UTRN: variants seen among roughly 807,000 people sequenced by gnomAD.
The protein encoded by UTRN is dystrophin-related protein 1.
A neutral mutation model predicts 463.9 loss-of-function variants in UTRN; 283 were observed. The observed-to-expected ratio is 0.61, with a 90% CI of 0.55 to 0.67. The LOEUF (loss-of-function observed/expected upper bound fraction) is 0.67. UTRN is among the 30% of genes least tolerant of loss of function. The pLI, the probability that UTRN is intolerant of heterozygous loss-of-function variation, is 0.00. For synonymous variants in UTRN, 1,442 were observed against 1,431.5 expected, an observed-to-expected ratio of 1.01 and a Z score of -0.17; for missense variants, 3,922 against 4,084.3, an observed-to-expected ratio of 0.96 and a Z score of 1.08.
intron 34 of UTRN, among the ~76,000 whole-genome samples, chr6:144,501,675 T>C (rs1794194616): frequency 6.6e-6 from 1 of 152,194 alleles, no homozygotes; most frequent in Admixed American, 6.5e-5. Flanking sequence ...ATTATTACCA[T>C]TTTCATTATT....
At chr6:144,332,515 G>C (rs749198046) in intron 2 of UTRN, among the ~76,000 whole-genome samples, 1 of 151,956 alleles carries the variant, frequency 6.6e-6, no homozygotes, top group Non-Finnish European at 1.5e-5. Flanking sequence ...AAGACCTTTG[G>C]GTATTACCTC....
intron 65 of UTRN, among the ~76,000 whole-genome samples, chr6:144,815,662 C>T (rs916608669): frequency 6.6e-6 from 1 of 152,226 alleles, no homozygotes; most frequent in Non-Finnish European, 1.5e-5. Flanking sequence ...AGCAAGTCTG[C>T]TCTTCCATCT....
intron 39 of UTRN, among the ~76,000 whole-genome samples, chr6:144,517,379 T>G (rs1286673297): frequency 1.3e-5 from 2 of 151,714 alleles, no homozygotes; most frequent in African/African-American, 4.9e-5. Flanking sequence ...TTTTTTTTTT[T>G]TAAAGATGGG....
chr6:144,646,357 A>G (rs905821675), intron 51 of UTRN, among the ~76,000 whole-genome samples: 1 of 152,152 alleles, frequency 6.6e-6, no homozygotes, highest in Non-Finnish European at 1.5e-5. Context: ...CTTTCTTTGC[A>G]TTTAATTGGA....
At chr6:144,750,015 G>A (rs748537671) in intron 55 of UTRN, among the ~76,000 whole-genome samples, 6 of 152,054 alleles carry the variant, frequency 3.9e-5, no homozygotes, top group Non-Finnish European at 8.8e-5. Context: ...GTCCTCCAAG[G>A]TACCTACCCA....
At chr6:144,674,761 G>A (rs1346482366) in intron 51 of UTRN, among the ~76,000 whole-genome samples, 1 of 152,108 alleles carries the variant, frequency 6.6e-6, no homozygotes. Flanking sequence ...GTTTCACCAT[G>A]TTGCCCAGGC....
chr6:144,455,748 T>C (rs1438683953), intron 19 of UTRN, among the ~76,000 whole-genome samples: 1 of 152,218 alleles, frequency 6.6e-6, no homozygotes, highest in Non-Finnish European at 1.5e-5. Flanking sequence ...TTCTTTGCCT[T>C]GGTGTCTGGA....
chr6:144,515,299 A>G (rs1404855834), intron 37 of UTRN, among the ~76,000 whole-genome samples: 1 of 152,206 alleles, frequency 6.6e-6, no homozygotes, highest in Non-Finnish European at 1.5e-5. Flanking sequence ...AGGAGAGAAA[A>G]CAAGCAATTA....
Position 144,393,963 on chromosome 6 carries a change from T to G in UTRN, c.80-9160T>G, listed in dbSNP as rs564522650. On this transcript the variant is annotated intron_variant, in intron 2 of 74. Coordinates refer to ENST00000367545, the MANE Select transcript of UTRN (RefSeq NM_007124.3). ...GATGCTACCTGGAGACTCTCCTGTCTGGAAGAATGGAAAGATCAGTGCTTT... is the reference window on the plus strand; with the variant it reads ...GATGCTACCTGGAGACTCTCCTGTCGGGAAGAATGGAAAGATCAGTGCTTT... Among the ~76,000 whole-genome samples the G allele has an allele frequency of 5.3e-5, 8 of 152,326 alleles. No homozygotes were observed. In the South Asian group the frequency reaches 1.5e-3, roughly 28 times the overall value.
chr6:144,614,074 C>T (rs780579102), intron 51 of UTRN, among the ~76,000 whole-genome samples: 6 of 151,654 alleles, frequency 4.0e-5, no homozygotes, highest in Admixed American at 2.0e-4. Flanking sequence ...TTTATAGTAA[C>T]GACTCAACAC....
At chr6:144,408,772 A>G (rs748391499) in intron 3 of UTRN, among the ~76,000 whole-genome samples, 40 of 152,246 alleles carry the variant, frequency 2.6e-4, no homozygotes, top group Non-Finnish European at 4.6e-4. Flanking sequence ...TTGGAAGTTA[A>G]TAATCACTAA....
chr6:144,839,124 A>G (rs1032758792), intron 71 of UTRN, 49 bp from the exon 72 acceptor site: 1 of 1,440,882 alleles, frequency 6.9e-7, no homozygotes, highest in Non-Finnish European at 9.8e-7. Flanking sequence ...GTTTTTCCTT[A>G]TGATTATTTG....
chr6:144,778,370 G>A (rs1470848782), intron 60 of UTRN, among the ~76,000 whole-genome samples: 5 of 152,110 alleles, frequency 3.3e-5, no homozygotes, highest in Non-Finnish European at 5.9e-5. Context: ...GCCTTTATGG[G>A]GAGAGGTTCC....
intron 41 of UTRN, among the ~76,000 whole-genome samples, chr6:144,526,105 A>G (rs1420178250): frequency 6.6e-6 from 1 of 152,190 alleles, no homozygotes; most frequent in Non-Finnish European, 1.5e-5. Flanking sequence ...GGCTTATCAC[A>G]TGGTCTATCT....
chr6:144,616,381 G>A (rs916016748), intron 51 of UTRN, among the ~76,000 whole-genome samples: 2 of 152,124 alleles, frequency 1.3e-5, no homozygotes, highest in African/African-American at 4.8e-5. Context: ...AAAGATGAGA[G>A]AAATAACTGT....
intron 9 of UTRN, among the ~76,000 whole-genome samples, chr6:144,434,350 G>A (rs1786321248): frequency 6.6e-6 from 1 of 151,468 alleles, no homozygotes; most frequent in South Asian, 2.1e-4. Context: ...GGGAGGGGGA[G>A]GGGGAGGGAG....
In UTRN at chr6:144,328,241, G is replaced by T. The variant is rs117021449; in HGVS notation, c.79+36334G>T. 3.1e-4 allele frequency among the ~76,000 whole-genome samples: 47 copies of T among 151,646 alleles called. 1 individual carries two copies. The East Asian group carries it at 8.7e-3, about 28-fold the overall frequency. ...AAAACAAACATGTTTATTAAGATATGCGTAGTGCATACACATGGGAGTACC... is the reference window on the plus strand; with the variant it reads ...AAAACAAACATGTTTATTAAGATATTCGTAGTGCATACACATGGGAGTACC... On this transcript the variant is annotated intron_variant, in intron 2 of 74. Coordinates refer to ENST00000367545, the MANE Select transcript of UTRN (RefSeq NM_007124.3).
chr6:144,371,089 C>T (rs1178020375), intron 2 of UTRN, among the ~76,000 whole-genome samples: 3 of 152,226 alleles, frequency 2.0e-5, no homozygotes, highest in Non-Finnish European at 4.4e-5. Context: ...CTACACCTCT[C>T]ATGTCTCTTC....
At position 144,328,240 on chromosome 6, in the gene UTRN, T is replaced by C. The variant is rs182202661; in HGVS notation, c.79+36333T>C. ...AAAAACAAACATGTTTATTAAGATATGCGTAGTGCATACACATGGGAGTAC... is the reference window on the plus strand; with the variant it reads ...AAAAACAAACATGTTTATTAAGATACGCGTAGTGCATACACATGGGAGTAC... On this transcript the variant is annotated intron_variant, in intron 2 of 74. Coordinates refer to ENST00000367545, the MANE Select transcript of UTRN (RefSeq NM_007124.3). 2.7e-3 allele frequency among the ~76,000 whole-genome samples: 408 copies of C among 152,128 alleles called. 2 individuals are homozygous for C. Among genetic ancestry groups the C allele is most frequent in the Admixed American group, 7.1e-3 (108 of 15,294 alleles).
Sources: allele counts gnomAD v4.1 joint callset (sites outside exome capture counted in the v4.1 genomes callset), GRCh38; gene constraint gnomAD v4.1.1; transcripts MANE v1.5; gene names NCBI Gene and HGNC (gene_info 2026-07-23, HGNC 2026-07-21).